TBC1D23: variants seen among roughly 807,000 people sequenced by gnomAD.
TBC1D23 encodes HCV non-structural protein 4A-transactivated protein 1.
A neutral mutation model predicts 91.4 loss-of-function variants in TBC1D23; 55 were observed. That is an observed-to-expected ratio of 0.60 (90% CI 0.48 to 0.75). TBC1D23 has a LOEUF of 0.75. Ranked by LOEUF, TBC1D23 falls within the 30% of genes least tolerant of loss-of-function variation. TBC1D23 has a pLI of 0.00. For synonymous variants in TBC1D23, 289 were observed against 281.0 expected (o/e 1.03, Z -0.28); for missense variants, 725 against 836.1 (o/e 0.87, Z 1.64).
intron 16 of TBC1D23, among the ~76,000 whole-genome samples, chr3:100,316,614 C>A (rs114177211): frequency 6.6e-6 from 1 of 151,890 alleles, no homozygotes; most frequent in Non-Finnish European, 1.5e-5. Context: ...GGATTGAAAT[C>A]CCTTTGATCA....
intron 4 of TBC1D23, among the ~76,000 whole-genome samples, chr3:100,287,983 G>A (rs1294451307): frequency 1.3e-5 from 2 of 151,960 alleles, no homozygotes; most frequent in Non-Finnish European, 2.9e-5. Flanking sequence ...ACTCACACCT[G>A]TAATCCCAGC....
chr3:100,265,658 G>T (rs546667470), intron 1 of TBC1D23, among the ~76,000 whole-genome samples: 1 of 152,080 alleles, frequency 6.6e-6, no homozygotes, highest in South Asian at 2.1e-4. Context: ...AAATTATTTT[G>T]GTATTGACTT....
At chr3:100,293,815 T>C (rs956937085) in intron 5 of TBC1D23, among the ~76,000 whole-genome samples, 2 of 151,778 alleles carry the variant, frequency 1.3e-5, no homozygotes, top group African/African-American at 4.9e-5. Context: ...CTGAAAAAAA[T>C]GGGGAGTAAT....
rs564642940 is a variant in TBC1D23 at position 100,287,442 on chromosome 3, C to T, written c.477-3136C>T. On this transcript the variant is annotated intron_variant, in intron 4 of 18. Coordinates refer to ENST00000394144, the MANE Select transcript of TBC1D23 (RefSeq NM_001199198.3). ...ATAATTGCTGTTGCAGTGGCTGACT[C>T]TCAGAGATGCCCCACTTTTTTGGAA... is the stretch of plus-strand genomic sequence containing the variant. 2.6e-5 allele frequency among the ~76,000 whole-genome samples: 4 copies of T among 152,360 alleles called. No individual in the cohort carries two copies. In the South Asian group the frequency reaches 8.3e-4, roughly 32 times the overall value.
intron 13 of TBC1D23, among the ~76,000 whole-genome samples, chr3:100,308,472 G>A (rs537524652): frequency 1.4e-4 from 21 of 148,994 alleles, no homozygotes; most frequent in African/African-American, 4.4e-4. Context: ...ACGAGACTCC[G>A]TCTCAAAAAA....
intron 1 of TBC1D23, among the ~76,000 whole-genome samples, chr3:100,273,713 C>T (rs552687954): frequency 4.7e-4 from 72 of 152,274 alleles, no homozygotes; most frequent in African/African-American, 1.7e-3. Context: ...AGAAATAAGA[C>T]TGCACACCTA....
Position 100,320,917 on chromosome 3 carries a change from C to T in TBC1D23, c.1964C>T (p.Thr655Ile). The T allele has an allele frequency of 6.2e-7, 1 of 1,610,052 alleles. No homozygotes were observed. Among genetic ancestry groups the T allele is most frequent in the Non-Finnish European group, 8.5e-7 (1 of 1,178,752 alleles). ...AAAAAAAAACATCCTGAACTCATTA[C>T]CTTCAAGTATGGAAATAGCAGTGCT... ...TSKKKHPELI[T>I]FKYGNSSASG... The change falls in exon 18 of 19, where the codon ACC becomes ATC. Residue 655 changes from threonine (T) to isoleucine (I), a missense_variant. Physicochemically the swap from Thr to Ile is moderately conservative, Grantham distance 89. Coordinates refer to ENST00000394144, the MANE Select transcript of TBC1D23 (RefSeq NM_001199198.3).
intron 5 of TBC1D23, among the ~76,000 whole-genome samples, chr3:100,293,659 CATT>C (rs2067812728): frequency 6.6e-6 from 1 of 152,154 alleles, no homozygotes. Flanking sequence ...CCACAAAAAA[CATT>C]AGTAGCATTA....
chr3:100,301,981 G>C, intron 10 of TBC1D23, 86 bp from the exon 11 acceptor site: 1 of 912,930 alleles, frequency 1.1e-6, no homozygotes, highest in Admixed American at 3.1e-5. Flanking sequence ...TTAAATATTG[G>C]GGTTTTTCCT....
At chr3:100,308,369 G>A (rs1325507851) in intron 13 of TBC1D23, among the ~76,000 whole-genome samples, 1 of 152,050 alleles carries the variant, frequency 6.6e-6, no homozygotes, top group Non-Finnish European at 1.5e-5. Context: ...CAGCTGCTCG[G>A]GAGGCTGAGG....
intron 1 of TBC1D23, among the ~76,000 whole-genome samples, chr3:100,270,172 C>T (rs190723821): frequency 8.5e-5 from 13 of 152,226 alleles, no homozygotes; most frequent in African/African-American, 3.1e-4. Context: ...TTTTTCTGTA[C>T]TGCATCCCCT....
intron 1 of TBC1D23, among the ~76,000 whole-genome samples, chr3:100,266,538 G>A (rs766164324): frequency 7.2e-5 from 11 of 152,074 alleles, no homozygotes; most frequent in African/African-American, 2.7e-4. Flanking sequence ...CACAGTGTTG[G>A]GACTACAGGC....
chr3:100,287,381 T>G (rs1255530659), intron 4 of TBC1D23, among the ~76,000 whole-genome samples: 1 of 152,232 alleles, frequency 6.6e-6, no homozygotes, highest in Non-Finnish European at 1.5e-5. Flanking sequence ...TGCCTTGTAC[T>G]TGAGAGCAAC....
rs966768660 is a variant in TBC1D23 at position 100,281,790 on chromosome 3, G to A, written c.214G>A (p.Gly72Ser). ...AGGTGATAGTTTGGCATCATGGGAT[G>A]GTATTTTAGACTTGCCAGAACAGAA... ...GKGDSLASWD[G>S]ILDLPEQNTI... is the part of the protein sequence containing the mutation. Residue 72 changes from glycine to serine, a missense_variant, in exon 3 of 19, where the codon GGT becomes AGT. Coordinates refer to ENST00000394144, the MANE Select transcript of TBC1D23 (RefSeq NM_001199198.3). 1.9e-6 allele frequency: 3 copies of A among 1,612,718 alleles called. No homozygotes were observed. The highest frequency in any genetic ancestry group is 2.7e-5 in the African/African-American group (2 of 74,850).
chr3:100,280,677 T>C (rs542072124), intron 2 of TBC1D23, among the ~76,000 whole-genome samples: 41 of 152,302 alleles, frequency 2.7e-4, no homozygotes, highest in African/African-American at 9.1e-4. Context: ...TATAGAAGTT[T>C]AAGCACATGC....
chr3:100,320,919 T>A lies in TBC1D23; in HGVS notation c.1966T>A (p.Phe656Ile). Residue 656 changes from phenylalanine (F) to isoleucine (I), a missense_variant, in exon 18 of 19, where the codon TTC becomes ATC. By Grantham distance (21) the Phe-to-Ile change is conservative. Transcript: ENST00000394144. The stretch of plus-strand genomic sequence containing the variant: ...AAAAAAACATCCTGAACTCATTACC[T>A]TCAAGTATGGAAATAGCAGTGCTTC... ...SKKKHPELITFKYGNSSASGI... is the reference protein window; with the variant it reads ...SKKKHPELITIKYGNSSASGI... 1 of 1,609,662 alleles carries A rather than the reference T, an allele frequency of 6.2e-7. No homozygotes were observed. The highest frequency in any genetic ancestry group is 1.1e-5 in the South Asian group (1 of 89,376).
At chr3:100,305,257 T>G (rs1222230463) in intron 12 of TBC1D23, among the ~76,000 whole-genome samples, 2 of 152,160 alleles carry the variant, frequency 1.3e-5, no homozygotes, top group African/African-American at 4.8e-5. Context: ...TTTAGGTGTT[T>G]TGTTATTTTA....
At chr3:100,272,235 A>C (rs2067605746) in intron 1 of TBC1D23, among the ~76,000 whole-genome samples, 1 of 152,022 alleles carries the variant, frequency 6.6e-6, no homozygotes, top group South Asian at 2.1e-4. Context: ...TTGGAGAACT[A>C]AAATGAGACA....
intron 13 of TBC1D23, among the ~76,000 whole-genome samples, chr3:100,307,237 TA>T (rs1354439708): frequency 1.3e-5 from 2 of 152,244 alleles, no homozygotes; most frequent in African/African-American, 4.8e-5. Context: ...TAGATGTCAT[TA>T]AATTATTCAT....
Sources: allele counts gnomAD v4.1 joint callset (sites outside exome capture counted in the v4.1 genomes callset), GRCh38; gene constraint gnomAD v4.1.1; transcripts MANE v1.5; gene names NCBI Gene and HGNC (gene_info 2026-07-23, HGNC 2026-07-21).